The following DENND2B variants were observed in gnomAD, a reference collection of about 807,000 sequenced individuals.
The protein encoded by DENND2B is DENN domain-containing protein 2B.
A neutral mutation model predicts 116.0 loss-of-function variants in DENND2B; 32 were observed. The ratio of observed to expected loss-of-function variants is 0.28; its 90% confidence interval spans 0.21 to 0.37. DENND2B has a LOEUF of 0.37. Among genes scored for constraint, DENND2B ranks in the 10% least tolerant of loss-of-function variants. DENND2B has a pLI of 1.00. For synonymous variants in DENND2B, 588 were observed against 583.9 expected, an observed-to-expected ratio of 1.01 and a Z score of -0.10; for missense variants, 1,276 against 1,477.7, an observed-to-expected ratio of 0.86 and a Z score of 2.24.
intron 18 of DENND2B, chr11:8,695,882 T>G (rs941367926): frequency 1.1e-5 from 4 of 377,116 alleles, no homozygotes; most frequent in African/African-American, 6.1e-5. Context: ...CCAAAAAGGT[T>G]GTTATACTAA....
rs1306197804 is a variant in DENND2B at position 8,748,074 on chromosome 11, A to C, written c.80+2547T>G. ...AAAGCTGGATACAAATGCGTCTTAGAACCACTGGGTTCCTCTGCCTTCATG... is the reference window on the plus strand; with the variant it reads ...AAAGCTGGATACAAATGCGTCTTAGCACCACTGGGTTCCTCTGCCTTCATG... On this transcript the variant is annotated intron_variant, in intron 2 of 19. Coordinates refer to ENST00000313726, the MANE Select transcript of DENND2B (RefSeq NM_213618.2). 2.0e-5 allele frequency among the ~76,000 whole-genome samples: 3 copies of C among 152,236 alleles called. No individual in the cohort carries two copies. The East Asian group carries it at 5.8e-4, about 29-fold the overall frequency.
intron 1 of DENND2B, among the ~76,000 whole-genome samples, chr11:8,760,001 G>C (rs904366450): frequency 2.0e-5 from 3 of 152,170 alleles, no homozygotes; most frequent in South Asian, 2.1e-4. Context: ...ATCAGCCCCT[G>C]TTCTTCCTGA....
chr11:8,736,303 ATC>A (rs543233195), intron 2 of DENND2B, among the ~76,000 whole-genome samples: 10 of 152,096 alleles, frequency 6.6e-5, no homozygotes, highest in Non-Finnish European at 1.5e-4. Context: ...GCAAGCCACA[ATC>A]ATACCACTGC....
chr11:8,826,653 C>T (rs1002404591), intron 4 of DENND2B, among the ~76,000 whole-genome samples: 1 of 152,188 alleles, frequency 6.6e-6, no homozygotes, highest in Non-Finnish European at 1.5e-5. Context: ...ATGAGTCATA[C>T]TAAATAAACG....
In DENND2B at chr11:8,894,362, C is replaced by G. The variant is rs563783205; in HGVS notation, c.-255-13253G>C. 2.6e-5 allele frequency among the ~76,000 whole-genome samples: 4 copies of G among 152,172 alleles called. No individual in the cohort carries two copies. In the South Asian group the frequency reaches 8.3e-4, roughly 32 times the overall value. Reference sequence around the variant, plus strand: ...GGCAAGGACTTCATATCTAAAACACCAAAAGCAATGGCAACAAAAGCGAAA... The same window carrying G: ...GGCAAGGACTTCATATCTAAAACACGAAAAGCAATGGCAACAAAAGCGAAA... On this transcript the variant is annotated intron_variant, in intron 1 of 22. Transcript: ENST00000534127.
At chr11:8,902,543 A>C (rs2064183413) in intron 1 of DENND2B, among the ~76,000 whole-genome samples, 2 of 152,076 alleles carry the variant, frequency 1.3e-5, no homozygotes, top group African/African-American at 4.8e-5. Flanking sequence ...TCTTGTCTTC[A>C]AGTCTATTTT....
At chr11:8,695,123 A>C (rs2040132013) in intron 19 of DENND2B, among the ~76,000 whole-genome samples, 1 of 152,192 alleles carries the variant, frequency 6.6e-6, no homozygotes, top group Non-Finnish European at 1.5e-5. Flanking sequence ...TAGGTATTAT[A>C]AGTAATCTAA....
At chr11:8,703,955 C>T (rs374456628) in intron 13 of DENND2B, among the ~76,000 whole-genome samples, 2 of 152,202 alleles carry the variant, frequency 1.3e-5, no homozygotes, top group Admixed American at 6.5e-5. Flanking sequence ...CTGCTCCAGG[C>T]CCTGTCCCCG....
intron 1 of DENND2B, among the ~76,000 whole-genome samples, chr11:8,893,759 AATGGAAGAAC>A (rs1346214429): frequency 6.6e-6 from 1 of 152,196 alleles, no homozygotes; most frequent in African/African-American, 2.4e-5. Context: ...GACACAAACA[AATGGAAGAAC>A]ATTCCATGCT....
At chr11:8,844,657 T>C (rs1024868985) in intron 3 of DENND2B, among the ~76,000 whole-genome samples, 3 of 152,120 alleles carry the variant, frequency 2.0e-5, no homozygotes, top group African/African-American at 7.2e-5. Context: ...ATATATATAT[T>C]AGTATTATAC....
Position 8,698,972 on chromosome 11 carries a change from C to A in DENND2B, c.2901G>T (p.Ala967=). The A allele has an allele frequency of 1.2e-6, 2 of 1,614,146 alleles. No homozygotes were observed. The highest frequency in any genetic ancestry group is 1.7e-6 in the Non-Finnish European group (2 of 1,180,032). ...PKLKELPVEE[A]LMVNLGSDRF... ...GGTCAGATCCCAGATTCACCATCAGCGCCTGAGAAAAGGAGTCATTAGCAG... is the reference window on the plus strand; with the variant it reads ...GGTCAGATCCCAGATTCACCATCAGAGCCTGAGAAAAGGAGTCATTAGCAG... Residue 967 remains alanine, a splice_region_variant and synonymous_variant, in exon 16 of 20, where the codon GCG becomes GCT. Coordinates refer to ENST00000313726, the MANE Select transcript of DENND2B (RefSeq NM_213618.2).
intron 2 of DENND2B, among the ~76,000 whole-genome samples, chr11:8,749,965 G>A (rs1216597222): frequency 6.6e-6 from 1 of 152,146 alleles, no homozygotes; most frequent in Non-Finnish European, 1.5e-5. Flanking sequence ...TCCTCAAAAG[G>A]GGGTTAAAAT....
At chr11:8,720,351 A>G (rs2045943822) in intron 4 of DENND2B, among the ~76,000 whole-genome samples, 1 of 152,164 alleles carries the variant, frequency 6.6e-6, no homozygotes, top group Admixed American at 6.5e-5. Context: ...CAAGAAAAAG[A>G]CATAGGATAC....
chr11:8,777,181 G>C lies in DENND2B; in HGVS notation c.-25-26456C>G, dbSNP rs187976075. Among the ~76,000 whole-genome samples the C allele has an allele frequency of 1.6e-3, 246 of 152,294 alleles. 1 individual carries two copies. Among genetic ancestry groups the C allele is most frequent in the Non-Finnish European group, 2.2e-3 (149 of 68,016 alleles). ...CCTCACATCTAGTCCTAAGCTGCTA[G>C]TGAGTTACAGTGCCTGGAGAGAAGC... On this transcript the variant is annotated intron_variant, in intron 1 of 19. Coordinates refer to ENST00000313726, the MANE Select transcript of DENND2B (RefSeq NM_213618.2).
intron 2 of DENND2B, among the ~76,000 whole-genome samples, chr11:8,744,290 T>C (rs2050820496): frequency 6.6e-6 from 1 of 151,972 alleles, no homozygotes; most frequent in East Asian, 1.9e-4. Context: ...TGCACCACCA[T>C]GCCCGGCTAA....
intron 16 of DENND2B, among the ~76,000 whole-genome samples, chr11:8,698,538 G>A (rs2040877124): frequency 6.6e-6 from 1 of 152,184 alleles, no homozygotes; most frequent in Non-Finnish European, 1.5e-5. Context: ...TTGCAAACCT[G>A]TACGTTACAT....
chr11:8,727,227 T>A (rs369375631), intron 3 of DENND2B, among the ~76,000 whole-genome samples: 2 of 152,278 alleles, frequency 1.3e-5, no homozygotes, highest in South Asian at 2.1e-4. Flanking sequence ...TGGGGCACCA[T>A]CAGACCTTTC....
At chr11:8,827,598 T>C (rs978235191) in intron 4 of DENND2B, among the ~76,000 whole-genome samples, 2 of 152,218 alleles carry the variant, frequency 1.3e-5, no homozygotes, top group African/African-American at 4.8e-5. Context: ...CCAAGACAGT[T>C]ACCAAGTTAC....
At position 8,730,618 on chromosome 11, in the gene DENND2B, G is replaced by A; in HGVS notation, c.672C>T (p.Gly224=). Residue 224 remains glycine (G), a synonymous_variant, in exon 3 of 20, where the codon GGC becomes GGT. Coordinates refer to ENST00000313726, the MANE Select transcript of DENND2B (RefSeq NM_213618.2). The surrounding 1 kb of genome is among the most constrained non-coding windows in gnomAD (Gnocchi z 4.1). ...AGAAGGTCCTGCTCATCCTCCGGAG[G>A]CCCTTGAAATCAAAGGTCTTTTCAG... ...CSSEKTFDFK[G]LRRMSRTFSE... 1 of 1,613,026 alleles carries A rather than the reference G, an allele frequency of 6.2e-7. No homozygotes were observed. Among genetic ancestry groups the A allele is most frequent in the Non-Finnish European group, 8.5e-7 (1 of 1,179,996 alleles).
Sources: gnomAD v4.1 joint callset for allele counts (sites outside exome capture counted in the v4.1 genomes callset) on GRCh38, gnomAD v4.1.1 for gene constraint, Gnocchi (gnomAD v3.1) non-coding constraint, MANE v1.5 for transcripts, NCBI Gene and HGNC (gene_info 2026-07-23, HGNC 2026-07-21) for gene names.